Variants in CPLANE1 observed in about 807,000 individuals in gnomAD.
CPLANE1 encodes the protein ciliogenesis and planar polarity effector 1.
Under a neutral mutation model 362.5 loss-of-function variants are expected in CPLANE1, and 263 were observed. The ratio of observed to expected loss-of-function variants is 0.73; its 90% CI spans 0.66 to 0.80. The LOEUF (loss-of-function observed/expected upper bound fraction) is 0.80, where lower values mean the gene tolerates loss of function less well. Among genes scored for constraint, CPLANE1 ranks in the 30% least tolerant of loss-of-function variants. The pLI is 0.00. For missense variants in CPLANE1, 3,461 were observed against 3,793.4 expected, an observed-to-expected ratio of 0.91 and a Z score of 2.30; for synonymous variants, 1,212 against 1,302.6, an observed-to-expected ratio of 0.93 and a Z score of 1.50.
chr5:37,239,853 C>T lies in CPLANE1; in HGVS notation c.694G>A (p.Val232Ile). The change falls in exon 7 of 53, where the codon GTT becomes ATT. Residue 232 changes from valine (V) to isoleucine (I), a missense_variant. By Grantham distance (29) the Val-to-Ile change is conservative. Around this residue, in one of 2 missense-constraint regions of CPLANE1, gnomAD observed 3,380 missense variants for 3,666.1 expected, o/e 0.92. Transcript: ENST00000651892. ...FTSVRSLPYH[V>I]HWAQQDCHLC... Reference sequence around the variant, plus strand: ...TGACAGTCTTGTTGAGCCCAATGAACATGGTATGGCAATGATCTAAAAAAG... The same window carrying T: ...TGACAGTCTTGTTGAGCCCAATGAATATGGTATGGCAATGATCTAAAAAAG... 1 of 1,501,254 alleles carries T rather than the reference C, an allele frequency of 6.7e-7. No individual in the cohort carries two copies. Among genetic ancestry groups the T allele is most frequent in the Non-Finnish European group, 8.9e-7 (1 of 1,118,208 alleles). The allele number at this position is 1,501,254 out of a possible 1,614,324, so 93.0% of individuals were successfully genotyped here. A position where few individuals can be genotyped will look rare whatever the true frequency, so the allele number is the denominator to read the frequency against.
chr5:37,247,825 T>C, intron 1 of CPLANE1, 80 bp from the exon 2 acceptor site: 1 of 1,036,854 alleles, frequency 9.6e-7, no homozygotes, highest in Non-Finnish European at 1.3e-6. Flanking sequence ...GAGACAAGAG[T>C]TTCGTTCTGT....
chr5:37,237,581 T>G (rs577591761), intron 8 of CPLANE1, among the ~76,000 whole-genome samples: 1 of 152,368 alleles, frequency 6.6e-6, no homozygotes, highest in African/African-American at 2.4e-5. Context: ...GCACGGTGGC[T>G]TACGCCTGTA....
intron 32 of CPLANE1, 106 bp downstream of exon 32, chr5:37,173,649 T>C (rs1032056383): frequency 1.1e-5 from 10 of 949,408 alleles, no homozygotes; most frequent in Non-Finnish European, 1.6e-5. Context: ...AGAGAAATGC[T>C]TGTGATATAA....
rs150818442 is a variant in CPLANE1 at position 37,230,922 on chromosome 5, A to C, written c.1066T>G (p.Ser356Ala). ...ELLTLITFGC[S>A]IEFGPAEFIP... ...AATTCTGCTGGGCCAAATTCTATAG[A>C]GCAACCAAATGTAATTAATGTTAGC... The change falls in exon 9 of 53, where the codon TCT becomes GCT. Residue 356 changes from serine (S) to alanine (A), a missense_variant. Physicochemically the swap from Ser to Ala is moderately conservative, Grantham distance 99 (BLOSUM62 1). Coordinates refer to ENST00000651892, the MANE Select transcript of CPLANE1 (RefSeq NM_001384732.1). 2 of 1,549,964 alleles carry C rather than the reference A, an allele frequency of 1.3e-6. No individual in the cohort carries two copies. The highest frequency in any genetic ancestry group is 2.4e-5 in the East Asian group (1 of 40,856).
At chr5:37,223,553 C>T (rs1331306234) in intron 14 of CPLANE1, among the ~76,000 whole-genome samples, 2 of 152,166 alleles carry the variant, frequency 1.3e-5, no homozygotes, top group Non-Finnish European at 2.9e-5. Flanking sequence ...AATCTGACCA[C>T]GTAGGAGTTG....
intron 9 of CPLANE1, 110 bp downstream of exon 9, chr5:37,230,757 A>G (rs1321039297): frequency 1.5e-6 from 1 of 684,328 alleles, no homozygotes; most frequent in African/African-American, 1.9e-5. Flanking sequence ...ACAGACTCAA[A>G]GAAAAAGTAA....
chr5:37,111,294 T>C (rs1243516274), intron 51 of CPLANE1, among the ~76,000 whole-genome samples: 3 of 150,676 alleles, frequency 2.0e-5, no homozygotes, highest in African/African-American at 7.3e-5. Flanking sequence ...CTAATTTTTT[T>C]TTTGTATTTT....
At chr5:37,085,602 G>A in the CPLANE1 span, 3 of 905,132 alleles carry the variant, frequency 3.3e-6, no homozygotes, top group Non-Finnish European at 5.6e-6. Context: ...GGTAACCTGT[G>A]TATGGTGACT....
At chr5:37,157,472 C>T (rs765808304) in intron 40 of CPLANE1, 52 bp from the exon 41 acceptor site, 1 of 1,339,448 alleles carries the variant, frequency 7.5e-7, no homozygotes, top group African/African-American at 1.4e-5. Context: ...TCTATCAAGA[C>T]TATGAAAAGC....
At chr5:37,119,149 G>A (rs1761909992) in intron 50 of CPLANE1, among the ~76,000 whole-genome samples, 1 of 152,128 alleles carries the variant, frequency 6.6e-6, no homozygotes, top group African/African-American at 2.4e-5. Context: ...AAAGAAAGGT[G>A]TAAATAATGG....
intron 8 of CPLANE1, among the ~76,000 whole-genome samples, chr5:37,236,536 A>T (rs1308646702): frequency 6.6e-6 from 1 of 152,194 alleles, no homozygotes; most frequent in Non-Finnish European, 1.5e-5. Context: ...TTATGACCAC[A>T]TCCTCAAAAG....
At position 37,157,687 on chromosome 5, in the gene CPLANE1, TG is replaced by T. The variant is rs1307926865; in HGVS notation, c.7993del (p.His2665IlefsTer8). 1 of 1,612,958 alleles carries T rather than the reference TG, an allele frequency of 6.2e-7. No homozygotes were observed. Among genetic ancestry groups the T allele is most frequent in the Non-Finnish European group, 8.5e-7 (1 of 1,179,672 alleles). On this transcript the variant is annotated frameshift_variant, in exon 40 of 53. Coordinates refer to ENST00000651892, the MANE Select transcript of CPLANE1 (RefSeq NM_001384732.1). LOFTEE classifies it high-confidence loss of function. ...AASVTNAVPP[H>X]NFKSQEVTPA... Reference sequence around the variant, plus strand: ...AAAATTACCTTGACTCTTAAAATTATGTGGGGGAACAGCATTAGTAACTGAA... The same window carrying T: ...AAAATTACCTTGACTCTTAAAATTATTGGGGGAACAGCATTAGTAACTGAA...
chr5:37,125,402 G>A lies in CPLANE1; in HGVS notation c.8800C>T (p.His2934Tyr). 2 of 1,611,972 alleles carry A rather than the reference G, an allele frequency of 1.2e-6. No individual in the cohort carries two copies. Among genetic ancestry groups the A allele is most frequent in the Non-Finnish European group, 1.7e-6 (2 of 1,179,662 alleles). ...CTTTGTGAATGTCTGCCAGAATAAT[G>A]CTGAATTCTGAGAAATTTAACAAGC... ...EQAMGTSRIQ[H>Y]YSGRHSQRTD... The change falls in exon 47 of 53, where the codon CAT (histidine) becomes TAT (tyrosine). Residue 2934 changes from histidine to tyrosine, a missense_variant. His to Tyr is a moderately conservative substitution (Grantham distance 83, BLOSUM62 2). This residue lies in a region of CPLANE1 where 3,380 missense variants were observed against 3,666.1 expected (regional missense o/e 0.92). Coordinates refer to ENST00000651892, the MANE Select transcript of CPLANE1 (RefSeq NM_001384732.1).
At chr5:37,098,923 C>CAAAA in the CPLANE1 span, among the ~76,000 whole-genome samples, 35 of 52,018 alleles carry the variant, frequency 6.7e-4, no homozygotes, top group African/African-American at 1.4e-3. Flanking sequence ...ATGCCTACAT[C>CAAAA]AAAAAAAAAA....
chr5:37,179,432 C>A lies in CPLANE1; in HGVS notation c.5749G>T (p.Glu1917Ter). 6.2e-7 allele frequency: 1 copy of A among 1,611,466 alleles called. No individual in the cohort carries two copies. Among genetic ancestry groups the A allele is most frequent in the Non-Finnish European group, 8.5e-7 (1 of 1,178,310 alleles). ...GGACTTCTGAAACCTCCAACAGATT[C>A]TTCAATGTCTTCTAGCGATAAGTGA... ...HISDYEEDIEESVGGFRSPSL... is the reference protein window; with the variant it reads ...HISDYEEDIE Residue 1917 changes from glutamate (E) to a stop codon, truncating the protein, a stop_gained, in exon 29 of 53, where the codon GAA (glutamate) becomes TAA (stop). Transcript: ENST00000651892. LOFTEE classifies it high-confidence loss of function.
intron 8 of CPLANE1, among the ~76,000 whole-genome samples, chr5:37,231,541 T>A (rs1797736310): frequency 6.6e-6 from 1 of 152,188 alleles, no homozygotes; most frequent in Non-Finnish European, 1.5e-5. Flanking sequence ...CACTCCAGTC[T>A]GGGACACAGA....
chr5:37,213,083 C>T (rs1356913805), intron 16 of CPLANE1, among the ~76,000 whole-genome samples: 4 of 152,094 alleles, frequency 2.6e-5, no homozygotes, highest in African/African-American at 2.4e-5. Context: ...TGGCATATGC[C>T]GATAATCCCA....
Position 37,232,514 on chromosome 5 carries a change from C to T in CPLANE1, c.939-1465G>A, listed in dbSNP as rs1417986307. ...CCTGGACGACAGAGCAAGACTCCAT[C>T]TTGGGGGAAAAAAAAAAAAAAAAAA... On this transcript the variant is annotated intron_variant, in intron 8 of 52. Coordinates refer to ENST00000651892, the MANE Select transcript of CPLANE1 (RefSeq NM_001384732.1). Among the ~76,000 whole-genome samples the T allele has an allele frequency of 5.2e-5, 7 of 134,176 alleles. No individual in the cohort carries two copies. In the Admixed American group the frequency reaches 5.5e-4, roughly 11 times the overall value. The allele number at this position is 134,176 out of a possible 152,430, so 88.0% of individuals were successfully genotyped here. A position where few individuals can be genotyped will look rare whatever the true frequency, so the allele number is the denominator to read the frequency against.
Position 37,168,858 on chromosome 5 carries a change from G to T in CPLANE1, c.7166C>A (p.Pro2389His), listed in dbSNP as rs1779000788. 6.2e-7 allele frequency: 1 copy of T among 1,613,978 alleles called. No homozygotes were observed. The highest frequency in any genetic ancestry group is 1.3e-5 in the African/African-American group (1 of 75,028). The change falls in exon 34 of 53, where the codon CCT becomes CAT. Residue 2389 changes from proline (P) to histidine (H), a missense_variant. Coordinates refer to ENST00000651892, the MANE Select transcript of CPLANE1 (RefSeq NM_001384732.1). Reference sequence around the variant, plus strand: ...TGGGTATTTTCTTTCTTCTGCTATAGGTTGGATAGGTGTTGAGGGAACTGT... The same window carrying T: ...TGGGTATTTTCTTTCTTCTGCTATATGTTGGATAGGTGTTGAGGGAACTGT... ...SITVPSTPIQPIAEERKYPRL... is the reference protein window; with the variant it reads ...SITVPSTPIQHIAEERKYPRL...
Sources: gnomAD v4.1 joint callset for allele counts (sites outside exome capture counted in the v4.1 genomes callset) on GRCh38, gnomAD v4.1.1 for gene constraint, gnomAD v4.1.1 regional missense constraint, MANE v1.5 for transcripts, NCBI Gene and HGNC (gene_info 2026-07-23, HGNC 2026-07-21) for gene names.